The following GRM5 variants were observed in gnomAD, a reference collection of about 807,000 sequenced individuals.
GRM5 encodes the protein glutamate metabotropic receptor 5.
A neutral mutation model predicts 83.1 loss-of-function variants in GRM5; 19 were observed. That is an observed-to-expected ratio of 0.23 (90% CI 0.16 to 0.34). The LOEUF (loss-of-function observed/expected upper bound fraction) is 0.34. GRM5 is among the 10% of genes least tolerant of loss of function. GRM5 has a pLI of 1.00. For synonymous variants in GRM5, 675 were observed against 633.6 expected (o/e 1.07, Z -0.98); for missense variants, 1,160 against 1,588.3 (o/e 0.73, Z 4.58).
intron 3 of GRM5, among the ~76,000 whole-genome samples, chr11:88,705,047 G>T (rs1398533207): frequency 6.6e-6 from 1 of 151,992 alleles, no homozygotes; most frequent in African/African-American, 2.4e-5. Context: ...ATGTTCAAGA[G>T]GTTCTAATCT....
intron 3 of GRM5, among the ~76,000 whole-genome samples, chr11:88,756,167 G>A (rs1223103043): frequency 6.6e-6 from 1 of 152,082 alleles, no homozygotes; most frequent in Non-Finnish European, 1.5e-5. Flanking sequence ...ACTGTGTTTC[G>A]TGTTATTCCA....
At chr11:88,819,874 C>T (rs965491671) in intron 3 of GRM5, among the ~76,000 whole-genome samples, 4 of 151,874 alleles carry the variant, frequency 2.6e-5, no homozygotes, top group Admixed American at 6.6e-5. Flanking sequence ...AATATGTGTG[C>T]GAGAGAGAAA....
intron 9 of GRM5, among the ~76,000 whole-genome samples, chr11:88,517,386 G>A (rs1941550466): frequency 6.6e-6 from 1 of 152,072 alleles, no homozygotes; most frequent in African/African-American, 2.4e-5. Context: ...GTGTGTAAAA[G>A]CTTAGTGTGC....
At chr11:88,522,592 T>TCTCTCTCTCG (rs1565322958) in intron 9 of GRM5, among the ~76,000 whole-genome samples, 1 of 90,736 alleles carries the variant, frequency 1.1e-5, no homozygotes, top group Admixed American at 1.4e-4. Context: ...TCTCTCGCTC[T>TCTCTCTCTCG]CTCTCTCTCT....
chr11:88,886,804 T>C (rs1301682360), intron 2 of GRM5, among the ~76,000 whole-genome samples: 2 of 152,158 alleles, frequency 1.3e-5, no homozygotes, highest in Non-Finnish European at 2.9e-5. Context: ...ATGCAATGTA[T>C]GGGAAATTTT....
chr11:88,707,666 G>A (rs1360699751), intron 3 of GRM5, among the ~76,000 whole-genome samples: 1 of 152,072 alleles, frequency 6.6e-6, no homozygotes, highest in Non-Finnish European at 1.5e-5. Context: ...TAGGAATCCT[G>A]GAACCATTCC....
chr11:88,994,652 C>A (rs1271498407), intron 2 of GRM5, among the ~76,000 whole-genome samples: 6 of 146,918 alleles, frequency 4.1e-5, no homozygotes, highest in Admixed American at 3.4e-4. Flanking sequence ...GTTGGTGTTC[C>A]TGGGATGATT....
intron 7 of GRM5, among the ~76,000 whole-genome samples, chr11:88,584,672 G>T (rs1943278914): frequency 6.6e-6 from 1 of 152,134 alleles, no homozygotes; most frequent in South Asian, 2.1e-4. Flanking sequence ...TCAAACTCCT[G>T]ACCTCAGGTA....
rs12421475 is a variant in GRM5 at position 88,797,066 on chromosome 11, A to C, written c.911+52840T>G. ...AAAATTAGTTTCAGAGACTGTACAA[A>C]CATTGATATCATCTCTGCAAAATCT... On this transcript the variant is annotated intron_variant, in intron 3 of 9. Coordinates refer to ENST00000305447, the MANE Select transcript of GRM5 (RefSeq NM_001143831.3). Among the ~76,000 whole-genome samples, 5 of 152,224 alleles carry C rather than the reference A, an allele frequency of 3.3e-5. No homozygotes were observed. In the East Asian group the frequency reaches 5.8e-4, roughly 18 times the overall value.
intron 3 of GRM5, among the ~76,000 whole-genome samples, chr11:88,798,950 G>A (rs1486759484): frequency 1.3e-5 from 2 of 151,742 alleles, no homozygotes; most frequent in African/African-American, 2.4e-5. Context: ...CTAGATGTAT[G>A]TTAAATTAAA....
intron 3 of GRM5, among the ~76,000 whole-genome samples, chr11:88,688,953 G>T (rs547827023): frequency 6.6e-6 from 1 of 152,186 alleles, no homozygotes; most frequent in South Asian, 2.1e-4. Context: ...TATCATTAAT[G>T]TTAAAATACT....
At chr11:89,011,017 G>C (rs1388297949) in intron 2 of GRM5, among the ~76,000 whole-genome samples, 1 of 152,180 alleles carries the variant, frequency 6.6e-6, no homozygotes, top group Non-Finnish European at 1.5e-5. Context: ...CATTTGTAGA[G>C]AGAAATAATA....
chr11:88,594,129 G>C (rs149128808), intron 6 of GRM5, among the ~76,000 whole-genome samples: 104 of 152,046 alleles, frequency 6.8e-4, no homozygotes, highest in African/African-American at 2.4e-3. Context: ...TGCTGTGAAG[G>C]GTCAAAAATA....
intron 3 of GRM5, among the ~76,000 whole-genome samples, chr11:88,750,405 T>C (rs968116952): frequency 6.6e-5 from 10 of 152,164 alleles, no homozygotes; most frequent in African/African-American, 2.2e-4. Flanking sequence ...TAAATATATA[T>C]GCACCCAATG....
chr11:88,752,838 C>CA (rs1236963078), intron 3 of GRM5, among the ~76,000 whole-genome samples: 1 of 151,988 alleles, frequency 6.6e-6, no homozygotes, highest in Admixed American at 6.6e-5. Flanking sequence ...ACAAACCTGA[C>CA]AAAAAACAGT....
Position 88,985,796 on chromosome 11 carries a change from T to C in GRM5, c.661+61416A>G, listed in dbSNP as rs529684486. On this transcript the variant is annotated intron_variant, in intron 2 of 9. Transcript: ENST00000305447. ...AGTATGCACATCAATCTATGTCAAA[T>C]AGGGTTAGCTAACAAAATAATACAA... is the stretch of plus-strand genomic sequence containing the variant. 1.3e-4 allele frequency among the ~76,000 whole-genome samples: 20 copies of C among 152,206 alleles called. 1 individual carries two copies. In the South Asian group the frequency reaches 3.7e-3, roughly 28 times the overall value.
At chr11:88,934,891 T>C (rs1437112528) in intron 2 of GRM5, among the ~76,000 whole-genome samples, 32 of 151,882 alleles carry the variant, frequency 2.1e-4, no homozygotes, top group Admixed American at 2.0e-3. Context: ...AAACAGGCCG[T>C]CAATAGACAA....
At chr11:89,027,182 G>A (rs1187787068) in intron 2 of GRM5, among the ~76,000 whole-genome samples, 6 of 151,356 alleles carry the variant, frequency 4.0e-5, no homozygotes, top group Non-Finnish European at 7.4e-5. Context: ...TGCAACCTCC[G>A]CCTCCTGGGT....
At chr11:89,035,228 T>C (rs1941357181) in intron 2 of GRM5, among the ~76,000 whole-genome samples, 1 of 151,810 alleles carries the variant, frequency 6.6e-6, no homozygotes. Flanking sequence ...GTAGCTTTTA[T>C]TATACTTTAA....
Sources: allele counts gnomAD v4.1 joint callset (sites outside exome capture counted in the v4.1 genomes callset), GRCh38; gene constraint gnomAD v4.1.1; transcripts MANE v1.5; gene names NCBI Gene and HGNC (gene_info 2026-07-23, HGNC 2026-07-21).